Variants in AOPEP observed in about 807,000 individuals in gnomAD.
AOPEP encodes the protein aminopeptidase O (putative), also known as aminopeptidase O.
AOPEP carries 77 observed loss-of-function variants against 98.1 expected under a neutral mutation model. The observed-to-expected ratio is 0.78, with a 90% CI of 0.65 to 0.95. The LOEUF (loss-of-function observed/expected upper bound fraction) is 0.95, where lower values mean the gene tolerates loss of function less well. Ranked by LOEUF, AOPEP falls within the 40% of genes least tolerant of loss-of-function variation. The pLI, the probability that AOPEP is intolerant of heterozygous loss-of-function variation, is 0.00. For synonymous variants in AOPEP, 346 were observed against 365.3 expected, an observed-to-expected ratio of 0.95 and a Z score of 0.60; for missense variants, 1,024 against 1,024.7, an observed-to-expected ratio of 1.00 and a Z score of 0.01.
At chr9:95,058,837 G>T (rs1171315579) in intron 13 of AOPEP, among the ~76,000 whole-genome samples, 2 of 152,186 alleles carry the variant, frequency 1.3e-5, no homozygotes, top group African/African-American at 4.8e-5. Context: ...TTGAGGCCAT[G>T]GGTTGAAGGC....
rs550626369 is a variant in AOPEP at position 94,857,267 on chromosome 9, T to A, written c.1364+56265T>A. On this transcript the variant is annotated intron_variant, in intron 5 of 16. Transcript: ENST00000375315. ...TCATAGAGTTCGTGTTATGTTCTCT[T>A]ATAGCAGTTCTTATGATCGTCATTT... Among the ~76,000 whole-genome samples the A allele has an allele frequency of 8.5e-4, 129 of 152,356 alleles. 2 individuals carry two copies. The South Asian group carries it at 0.025, about 30-fold the overall frequency.
At chr9:94,873,942 A>G (rs1430562558) in intron 5 of AOPEP, among the ~76,000 whole-genome samples, 1 of 152,188 alleles carries the variant, frequency 6.6e-6, no homozygotes, top group Non-Finnish European at 1.5e-5. Context: ...TGAATAAACT[A>G]TTAGTAGTTT....
At chr9:94,791,676 C>A (rs994820882) in intron 3 of AOPEP, among the ~76,000 whole-genome samples, 1 of 151,982 alleles carries the variant, frequency 6.6e-6, no homozygotes, top group African/African-American at 2.4e-5. Context: ...CAGAGCGCGA[C>A]CCTGTCTCAA....
chr9:95,045,407 A>C (rs569758355), intron 13 of AOPEP, among the ~76,000 whole-genome samples: 2 of 152,330 alleles, frequency 1.3e-5, no homozygotes, highest in South Asian at 4.1e-4. Context: ...CCCCAGGTCC[A>C]GCGCGACTTG....
chr9:95,117,216 C>T, the AOPEP span: 2 of 1,040,652 alleles, frequency 1.9e-6, no homozygotes, highest in Non-Finnish European at 3.0e-6. Flanking sequence ...AGTTCTGTCT[C>T]CCTCATGCTG....
At chr9:95,026,692 G>A (rs757241636) in intron 13 of AOPEP, among the ~76,000 whole-genome samples, 18 of 152,294 alleles carry the variant, frequency 1.2e-4, no homozygotes, top group East Asian at 5.8e-4. Flanking sequence ...ACCTCTCTCC[G>A]ATAGATGACC....
intron 13 of AOPEP, among the ~76,000 whole-genome samples, chr9:95,017,415 T>C (rs1161869489): frequency 6.6e-6 from 1 of 152,258 alleles, no homozygotes; most frequent in Admixed American, 6.5e-5. Context: ...TTGGTAATTA[T>C]TAATGTATCT....
chr9:95,032,899 A>T (rs1476220345), intron 13 of AOPEP, among the ~76,000 whole-genome samples: 1 of 152,186 alleles, frequency 6.6e-6, no homozygotes, highest in African/African-American at 2.4e-5. Flanking sequence ...GGGCATGTGC[A>T]TGTATAGGTG....
chr9:94,888,331 G>T (rs1292653233), intron 5 of AOPEP, among the ~76,000 whole-genome samples: 1 of 150,060 alleles, frequency 6.7e-6, no homozygotes, highest in African/African-American at 2.5e-5. Flanking sequence ...GTGTGTGTGT[G>T]TACTTTTTAT....
At chr9:94,954,289 G>T (rs993433083) in intron 7 of AOPEP, among the ~76,000 whole-genome samples, 2 of 152,030 alleles carry the variant, frequency 1.3e-5, no homozygotes, top group East Asian at 3.9e-4. Context: ...GCACCACTGC[G>T]CTCCAGCCTG....
chr9:95,016,775 CTT>C (rs113574295), intron 13 of AOPEP, among the ~76,000 whole-genome samples: 6 of 142,322 alleles, frequency 4.2e-5, no homozygotes, highest in Admixed American at 7.0e-5. Flanking sequence ...ACCATGTCAG[CTT>C]TTTTTTTTTT....
intron 5 of AOPEP, among the ~76,000 whole-genome samples, chr9:94,902,871 C>T (rs1446560590): frequency 6.6e-6 from 1 of 151,794 alleles, no homozygotes; most frequent in Non-Finnish European, 1.5e-5. Flanking sequence ...GCCTGATCAA[C>T]ATGGAGAAAC....
chr9:95,059,446 G>A (rs1190593678), intron 13 of AOPEP, among the ~76,000 whole-genome samples: 1 of 152,036 alleles, frequency 6.6e-6, no homozygotes, highest in Non-Finnish European at 1.5e-5. Context: ...GTGGAATGGT[G>A]CGGTGGGTGT....
intron 5 of AOPEP, among the ~76,000 whole-genome samples, chr9:94,880,691 C>T (rs1052755267): frequency 4.6e-5 from 7 of 152,194 alleles, no homozygotes; most frequent in Non-Finnish European, 2.9e-5. Context: ...TTGTGTACTA[C>T]TCTAAAAGCA....
At chr9:95,019,268 C>G (rs2063271346) in intron 13 of AOPEP, 1 of 152,250 alleles carries the variant, frequency 6.6e-6, no homozygotes, top group Non-Finnish European at 1.5e-5. Flanking sequence ...ATTTGCCACT[C>G]TCTTCACTTT....
At chr9:94,838,664 G>C (rs2041906090) in intron 5 of AOPEP, among the ~76,000 whole-genome samples, 1 of 152,148 alleles carries the variant, frequency 6.6e-6, no homozygotes, top group South Asian at 2.1e-4. Context: ...TAAATCTTGA[G>C]ATAAATTTGG....
At chr9:94,929,983 G>A (rs1383073972) in intron 7 of AOPEP, among the ~76,000 whole-genome samples, 1 of 152,134 alleles carries the variant, frequency 6.6e-6, no homozygotes, top group Non-Finnish European at 1.5e-5. Context: ...AGAGAGGCAG[G>A]CAGGAGCCAG....
At chr9:94,999,287 G>C (rs2061419511) in intron 11 of AOPEP, among the ~76,000 whole-genome samples, 1 of 151,962 alleles carries the variant, frequency 6.6e-6, no homozygotes, top group Admixed American at 6.6e-5. Flanking sequence ...GAAAATAATG[G>C]TAGAAAAAAA....
chr9:95,031,818 C>T (rs2064331551), intron 13 of AOPEP, among the ~76,000 whole-genome samples: 1 of 152,194 alleles, frequency 6.6e-6, no homozygotes, highest in Non-Finnish European at 1.5e-5. Context: ...ACTGTTTGCT[C>T]CTCTTGTCTT....
Sources: gnomAD v4.1 joint callset for allele counts (sites outside exome capture counted in the v4.1 genomes callset) on GRCh38, gnomAD v4.1.1 for gene constraint, MANE v1.5 for transcripts, NCBI Gene and HGNC (gene_info 2026-07-23, HGNC 2026-07-21) for gene names.